SOX5: variants seen among roughly 807,000 people sequenced by gnomAD.
SOX5 encodes the protein SRY-box transcription factor 5.
In SOX5, 9 loss-of-function variants were observed where a neutral mutation model predicts 92.0. The ratio of observed to expected loss-of-function variants is 0.10; its 90% CI spans 0.06 to 0.17. The LOEUF (loss-of-function observed/expected upper bound fraction) is 0.17. SOX5 is among the 10% of genes least tolerant of loss of function. The pLI is 1.00. For missense variants in SOX5, 642 were observed against 944.5 expected (o/e 0.68, Z 4.20); for synonymous variants, 344 against 336.3 (o/e 1.02, Z -0.25).
chr12:24,223,898 T>C (rs1488678589), intron 3 of SOX5, among the ~76,000 whole-genome samples: 2 of 152,218 alleles, frequency 1.3e-5, no homozygotes, highest in Non-Finnish European at 2.9e-5. Context: ...GCTTTTTCTG[T>C]GACACTAGTG....
chr12:23,952,040 T>A (rs888337084), upstream of SOX5, among the ~76,000 whole-genome samples: 1 of 152,188 alleles, frequency 6.6e-6, no homozygotes, highest in East Asian at 1.9e-4. Flanking sequence ...ATGGTTGTTA[T>A]GAGAATTAGG....
At chr12:24,360,969 A>T (rs891597525) in intron 2 of SOX5, among the ~76,000 whole-genome samples, 2 of 152,206 alleles carry the variant, frequency 1.3e-5, no homozygotes, top group African/African-American at 4.8e-5. Flanking sequence ...GATGGTAGCT[A>T]CCCAGGATGA....
chr12:24,416,610 T>C (rs551836560), intron 1 of SOX5, among the ~76,000 whole-genome samples: 1 of 152,022 alleles, frequency 6.6e-6, no homozygotes, highest in South Asian at 2.1e-4. Context: ...GTAGAAAAAA[T>C]GAGATTATAT....
intron 4 of SOX5, among the ~76,000 whole-genome samples, chr12:24,073,894 C>A (rs1014523669): frequency 2.0e-5 from 3 of 152,142 alleles, no homozygotes; most frequent in African/African-American, 7.2e-5. Context: ...TAATCTTGCT[C>A]CCAGTTTTTG....
At chr12:24,445,987 C>A (rs991320334) in intron 1 of SOX5, among the ~76,000 whole-genome samples, 44 of 152,164 alleles carry the variant, frequency 2.9e-4, no homozygotes, top group African/African-American at 1.1e-3. Context: ...TATAACGACA[C>A]AAGGGCCAAC....
intron 8 of SOX5, among the ~76,000 whole-genome samples, chr12:23,621,227 A>G (rs2077138333): frequency 6.6e-6 from 1 of 152,092 alleles, no homozygotes; most frequent in Non-Finnish European, 1.5e-5. Flanking sequence ...ACAAAAGGAC[A>G]AGGTACTTAG....
At chr12:23,944,516 G>T (rs1354650189) in intron 1 of SOX5, among the ~76,000 whole-genome samples, 1 of 152,096 alleles carries the variant, frequency 6.6e-6, no homozygotes, top group Non-Finnish European at 1.5e-5. Flanking sequence ...ACAGAGGTCA[G>T]AAAGAATAAA....
At chr12:24,035,557 C>G (rs949720243) in intron 4 of SOX5, among the ~76,000 whole-genome samples, 1 of 151,926 alleles carries the variant, frequency 6.6e-6, no homozygotes, top group Non-Finnish European at 1.5e-5. Flanking sequence ...CTTCTTTTAA[C>G]AGAAACCAAA....
chr12:23,562,503 C>T (rs1429607451), intron 11 of SOX5, among the ~76,000 whole-genome samples: 1 of 152,154 alleles, frequency 6.6e-6, no homozygotes, highest in Non-Finnish European at 1.5e-5. Flanking sequence ...CTCTTATCTA[C>T]TGGATCAATT....
Position 23,541,869 on chromosome 12 carries a change from G to A in SOX5, c.1771+1342C>T, listed in dbSNP as rs188378011. Among the ~76,000 whole-genome samples the A allele has an allele frequency of 1.5e-3, 227 of 152,264 alleles. 2 individuals are homozygous for A. Among genetic ancestry groups the A allele is most frequent in the Non-Finnish European group, 2.3e-3 (159 of 68,020 alleles). On this transcript the variant is annotated intron_variant, in intron 13 of 14. Transcript: ENST00000451604. ...CTCATGCCTGTAATCCCAGCACTTT[G>A]GGAGGCCAAGGTGGGCGGATCACCT...
At chr12:24,308,816 A>T (rs771719112) in intron 2 of SOX5, among the ~76,000 whole-genome samples, 1 of 152,214 alleles carries the variant, frequency 6.6e-6, no homozygotes, top group Admixed American at 6.5e-5. Context: ...ACGTCTACCT[A>T]TGGAAAATTG....
At chr12:23,883,466 T>C (rs2097023551) in intron 2 of SOX5, among the ~76,000 whole-genome samples, 1 of 152,216 alleles carries the variant, frequency 6.6e-6, no homozygotes, top group Non-Finnish European at 1.5e-5. Context: ...GACAAACTAT[T>C]TAAGAACTAT....
intron 1 of SOX5, among the ~76,000 whole-genome samples, chr12:24,516,569 C>G (rs1355050465): frequency 1.3e-5 from 2 of 152,180 alleles, no homozygotes; most frequent in Admixed American, 1.3e-4. Flanking sequence ...ACTATGTACT[C>G]CTTCCTCTGT....
chr12:24,234,379 A>T (rs1964024486), intron 3 of SOX5, among the ~76,000 whole-genome samples: 1 of 152,156 alleles, frequency 6.6e-6, no homozygotes, highest in African/African-American at 2.4e-5. Flanking sequence ...TTTACCTATC[A>T]TGTTAAAGAG....
intron 2 of SOX5, among the ~76,000 whole-genome samples, chr12:24,353,900 T>A (rs972061167): frequency 3.9e-5 from 6 of 151,962 alleles, no homozygotes; most frequent in Non-Finnish European, 5.9e-5. Context: ...CAGCCTCCCA[T>A]AGTGCTGGGA....
At chr12:24,219,856 T>C (rs1341431528) in intron 3 of SOX5, among the ~76,000 whole-genome samples, 1 of 152,146 alleles carries the variant, frequency 6.6e-6, no homozygotes, top group Non-Finnish European at 1.5e-5. Flanking sequence ...AGATATTGCA[T>C]ATAAGATAAG....
At chr12:24,370,245 C>T (rs1336773875) in intron 1 of SOX5, among the ~76,000 whole-genome samples, 2 of 151,984 alleles carry the variant, frequency 1.3e-5, no homozygotes, top group Non-Finnish European at 2.9e-5. Context: ...GAGGCCAAGA[C>T]GGGTGGATCA....
chr12:24,179,438 T>C (rs1955216456), intron 4 of SOX5, among the ~76,000 whole-genome samples: 1 of 152,346 alleles, frequency 6.6e-6, no homozygotes, highest in Admixed American at 6.5e-5. Context: ...AGTAGGATAC[T>C]CCCTTGAGAT....
intron 1 of SOX5, among the ~76,000 whole-genome samples, chr12:24,487,460 T>C (rs909262143): frequency 6.6e-6 from 1 of 152,214 alleles, no homozygotes; most frequent in African/African-American, 2.4e-5. Flanking sequence ...GGGGACTGTA[T>C]ACAGGAGAGA....
Sources: gnomAD v4.1 joint callset for allele counts (sites outside exome capture counted in the v4.1 genomes callset) on GRCh38, gnomAD v4.1.1 for gene constraint, MANE v1.5 for transcripts, NCBI Gene and HGNC (gene_info 2026-07-23, HGNC 2026-07-21) for gene names.